FSTL4: variants seen among roughly 807,000 people sequenced by gnomAD.
FSTL4 encodes the protein follistatin like 4.
A neutral mutation model predicts 78.2 loss-of-function variants in FSTL4; 28 were observed. The observed-to-expected ratio is 0.36, with a 90% CI of 0.27 to 0.49. The LOEUF is 0.49. FSTL4 is among the 20% of genes least tolerant of loss of function. FSTL4 has a pLI of 0.98. For synonymous variants in FSTL4, 422 were observed against 440.5 expected (o/e 0.96, Z 0.53); for missense variants, 922 against 1,084.9 (o/e 0.85, Z 2.11).
the FSTL4 span, among the ~76,000 whole-genome samples, chr5:133,821,599 G>C: frequency 9.2e-5 from 14 of 152,298 alleles, no homozygotes; most frequent in African/African-American, 3.4e-4. Context: ...GTGCTCAGGG[G>C]TGAGAGGTGC....
chr5:133,730,682 G>A, the FSTL4 span, among the ~76,000 whole-genome samples: 1 of 152,194 alleles, frequency 6.6e-6, no homozygotes, highest in Non-Finnish European at 1.5e-5. Context: ...AAGTTCCTGT[G>A]ATGGCAAACC....
At chr5:133,540,397 G>A (rs1208043439) in intron 3 of FSTL4, among the ~76,000 whole-genome samples, 2 of 151,870 alleles carry the variant, frequency 1.3e-5, no homozygotes, top group African/African-American at 4.8e-5. Flanking sequence ...GCTCCCTATG[G>A]GACAATGCTC....
Position 133,225,079 on chromosome 5 carries a change from T to C in FSTL4, c.1312+71A>G. The C allele has an allele frequency of 1.3e-6, 2 of 1,576,096 alleles. No homozygotes were observed. The highest frequency in any genetic ancestry group is 1.3e-5 in the African/African-American group (1 of 74,262). On this transcript the variant is annotated intron_variant, in intron 10 of 15. Transcript: ENST00000265342. The surrounding 1 kb of genome is among the most constrained non-coding windows in gnomAD (Gnocchi z 4.6). ...GGTTGGCAGCTGTGGCCCTGGTCAA[T>C]TGGTGCCCTCCCTTGCCACCCAACA...
At chr5:133,394,799 A>C (rs1298967809) in intron 4 of FSTL4, among the ~76,000 whole-genome samples, 3 of 152,254 alleles carry the variant, frequency 2.0e-5, no homozygotes, top group African/African-American at 7.2e-5. Flanking sequence ...CACTAGGTGA[A>C]GCCAGCTGGG....
chr5:133,760,949 G>A, the FSTL4 span, among the ~76,000 whole-genome samples: 2 of 152,166 alleles, frequency 1.3e-5, no homozygotes, highest in African/African-American at 2.4e-5. Flanking sequence ...CCAGGCAGAG[G>A]GATGTGGATA....
chr5:133,330,246 C>G (rs114476927), intron 4 of FSTL4, among the ~76,000 whole-genome samples: 2,979 of 152,244 alleles, frequency 0.02, 60 homozygotes, highest in Non-Finnish European at 0.031. Flanking sequence ...TTAGGCTGTT[C>G]TTGCATTGCT....
rs147385531 is a variant in FSTL4 at position 133,211,601 on chromosome 5, C to G, written c.1609-1303G>C. Among the ~76,000 whole-genome samples, 767 of 152,356 alleles carry G rather than the reference C, an allele frequency of 5.0e-3. 4 individuals carry two copies. Among genetic ancestry groups the G allele is most frequent in the African/African-American group, 0.018 (741 of 41,590 alleles). On this transcript the variant is annotated intron_variant, in intron 13 of 15. Coordinates refer to ENST00000265342, the MANE Select transcript of FSTL4 (RefSeq NM_015082.2). ...TAAAGAAGTAAGCATTTCTCCTTAA[C>G]TCACTTTCACCAAGTTTCTGAATTC...
At chr5:133,219,728 T>TA (rs1318051325) in intron 12 of FSTL4, among the ~76,000 whole-genome samples, 5 of 152,244 alleles carry the variant, frequency 3.3e-5, no homozygotes, top group African/African-American at 1.2e-4. Context: ...TCTAGCTTCT[T>TA]ATCCAGGAAA....
the FSTL4 span, among the ~76,000 whole-genome samples, chr5:133,648,514 C>T: frequency 2.0e-5 from 3 of 152,126 alleles, no homozygotes; most frequent in African/African-American, 7.2e-5. Flanking sequence ...GTCACATAGC[C>T]CATAAAAGTA....
chr5:133,543,146 G>A (rs1403070528), intron 3 of FSTL4, among the ~76,000 whole-genome samples: 1 of 152,104 alleles, frequency 6.6e-6, no homozygotes, highest in East Asian at 1.9e-4. Context: ...AAACTCCTTG[G>A]CTCAAGTGAT....
the FSTL4 span, among the ~76,000 whole-genome samples, chr5:133,646,583 G>A: frequency 2.6e-5 from 4 of 152,166 alleles, no homozygotes; most frequent in African/African-American, 9.7e-5. Flanking sequence ...TTAGTAGACT[G>A]TCACAGCTTT....
chr5:133,529,590 A>G lies in FSTL4; in HGVS notation c.160+37596T>C, dbSNP rs181803362. On this transcript the variant is annotated intron_variant, in intron 3 of 15. Coordinates refer to ENST00000265342, the MANE Select transcript of FSTL4 (RefSeq NM_015082.2). The stretch of plus-strand genomic sequence containing the variant: ...CCTAACTTTATGAGGTATGATTATT[A>G]TCATCTCCATTTTATAGATGAGGAT... 3.7e-3 allele frequency among the ~76,000 whole-genome samples: 562 copies of G among 152,260 alleles called. 9 individuals carry two copies. The highest frequency in any genetic ancestry group is 1.7e-3 in the East Asian group (9 of 5,176).
intron 3 of FSTL4, among the ~76,000 whole-genome samples, chr5:133,445,239 C>A (rs188467279): frequency 8.5e-5 from 13 of 152,370 alleles, no homozygotes; most frequent in Admixed American, 7.8e-4. Context: ...GCTAAAAAAG[C>A]CTTACTGGTG....
At chr5:133,283,516 C>T (rs543726497) in intron 6 of FSTL4, among the ~76,000 whole-genome samples, 1 of 152,290 alleles carries the variant, frequency 6.6e-6, no homozygotes, top group Non-Finnish European at 1.5e-5. Context: ...TCTTGTTCAT[C>T]CCAAATAATG....
chr5:133,792,957 A>G, the FSTL4 span, among the ~76,000 whole-genome samples: 6,534 of 152,270 alleles, frequency 0.043, 460 homozygotes, highest in African/African-American at 0.15. Flanking sequence ...GGGCGTTCAG[A>G]ATCTCCCCTT....
intron 7 of FSTL4, among the ~76,000 whole-genome samples, chr5:133,238,344 C>A (rs1001464121): frequency 1.3e-5 from 2 of 152,184 alleles, no homozygotes; most frequent in Non-Finnish European, 2.9e-5. Flanking sequence ...AAGGGGGGGT[C>A]TCTCCCCCAA....
At chr5:133,593,044 G>A (rs1378938824) in intron 2 of FSTL4, among the ~76,000 whole-genome samples, 2 of 152,064 alleles carry the variant, frequency 1.3e-5, no homozygotes, top group Non-Finnish European at 2.9e-5. Flanking sequence ...GGACAGTTTT[G>A]GCCACCGGGG....
In FSTL4 at chr5:133,199,337, A is replaced by G. The variant is rs755915041; in HGVS notation, c.2287T>C (p.Phe763Leu). 3 of 1,614,018 alleles carry G rather than the reference A, an allele frequency of 1.9e-6. No individual in the cohort carries two copies. Among genetic ancestry groups the G allele is most frequent in the Non-Finnish European group, 2.5e-6 (3 of 1,180,002 alleles). ...ACCTTCCCCGTGGACAGCTCCAGGAACAGCAGGTCCGGCTCCGTGTGCAGA... is the reference window on the plus strand; with the variant it reads ...ACCTTCCCCGTGGACAGCTCCAGGAGCAGCAGGTCCGGCTCCGTGTGCAGA... ...AALHTEPDLL[F>L]LELSTGKVGM... The change falls in exon 16 of 16, where the codon TTC (phenylalanine) becomes CTC (leucine). Residue 763 changes from phenylalanine (F) to leucine (L), a missense_variant. Transcript: ENST00000265342. This position sits in a 1 kb window ranked among gnomAD's most constrained non-coding sequence, Gnocchi z 4.4.
chr5:133,714,585 C>T, the FSTL4 span, among the ~76,000 whole-genome samples: 1 of 152,194 alleles, frequency 6.6e-6, no homozygotes, highest in African/African-American at 2.4e-5. Flanking sequence ...AAAATCTTGG[C>T]AGATAATCTA....
Sources: gnomAD v4.1 joint callset for allele counts (sites outside exome capture counted in the v4.1 genomes callset) on GRCh38, gnomAD v4.1.1 for gene constraint, Gnocchi (gnomAD v3.1) non-coding constraint, MANE v1.5 for transcripts, NCBI Gene and HGNC (gene_info 2026-07-23, HGNC 2026-07-21) for gene names.